The following CCDC102B variants were observed in gnomAD, a reference collection of about 807,000 sequenced individuals.
CCDC102B encodes the protein coiled-coil domain-containing protein 102B.
Under a neutral mutation model 57.4 loss-of-function variants are expected in CCDC102B, and 75 were observed. The ratio of observed to expected loss-of-function variants is 1.31; its 90% CI spans 1.08 to 1.58. The LOEUF (loss-of-function observed/expected upper bound fraction) is 1.58. CCDC102B is among the 40% of genes most tolerant of loss of function. The probability of loss-of-function intolerance (pLI) is 0.00; values close to 1 mark genes in which losing one functional copy is unlikely to be tolerated. For synonymous variants in CCDC102B, 206 were observed against 201.9 expected, an observed-to-expected ratio of 1.02 and a Z score of -0.17; for missense variants, 636 against 582.6, an observed-to-expected ratio of 1.09 and a Z score of -0.94.
intron 1 of CCDC102B, among the ~76,000 whole-genome samples, chr18:68,807,612 G>GCGTGGTGGC (rs1240509844): frequency 1.4e-4 from 22 of 151,962 alleles, no homozygotes; most frequent in African/African-American, 5.3e-4. Flanking sequence ...TCTGTTTTAG[G>GCGTGGTGGC]GACTGGAAAG....
intron 2 of CCDC102B, among the ~76,000 whole-genome samples, chr18:68,790,697 G>T (rs946626821): frequency 6.6e-6 from 1 of 152,158 alleles, no homozygotes; most frequent in Non-Finnish European, 1.5e-5. Context: ...CTCGTGCACG[G>T]TGCGCGCACC....
intron 2 of CCDC102B, among the ~76,000 whole-genome samples, chr18:68,758,236 A>G (rs1181469295): frequency 6.6e-6 from 1 of 151,630 alleles, no homozygotes; most frequent in East Asian, 1.9e-4. Flanking sequence ...ATATGTATAT[A>G]TGTGTTACAT....
chr18:69,054,259 A>G lies in CCDC102B; in HGVS notation c.*122A>G. ...AATATTAATGAAAAAAACGTAGACA[A>G]TACACAAATTAATGGGCTTCTTCAC... On this transcript the variant is annotated 3_prime_UTR_variant, in exon 8 of 8. Transcript: ENST00000360242. 7.4e-7 allele frequency: 1 copy of G among 1,349,680 alleles called. No homozygotes were observed. Among genetic ancestry groups the G allele is most frequent in the Non-Finnish European group, 9.5e-7 (1 of 1,056,584 alleles). The allele number at this position is 1,349,680 out of a possible 1,614,324, so 83.6% of individuals were successfully genotyped here.
intron 7 of CCDC102B, among the ~76,000 whole-genome samples, chr18:69,028,967 T>A (rs914174522): frequency 6.6e-5 from 10 of 152,202 alleles, no homozygotes; most frequent in Admixed American, 1.3e-4. Context: ...TTTTAATTCA[T>A]ATTAGTTTAT....
Position 68,754,504 on chromosome 18 carries a change from G to C in CCDC102B, c.-67+37910G>C, listed in dbSNP as rs570707567. 2.0e-5 allele frequency: 3 copies of C among 152,458 alleles called. No homozygotes were observed. In the South Asian group the frequency reaches 6.2e-4, roughly 32 times the overall value. The allele number at this position is 152,458 out of a possible 1,614,324, so 9.4% of individuals were successfully genotyped here. ...AGGCTGGGCATGGTGGCTCACAGCTGTAATCCTGGAGATTTGGGAGGCTGA... is the reference window on the plus strand; with the variant it reads ...AGGCTGGGCATGGTGGCTCACAGCTCTAATCCTGGAGATTTGGGAGGCTGA... On this transcript the variant is annotated intron_variant, in intron 2 of 3. Transcript: ENST00000578970.
At chr18:68,775,873 C>G (rs538248526) in intron 2 of CCDC102B, among the ~76,000 whole-genome samples, 1 of 152,166 alleles carries the variant, frequency 6.6e-6, no homozygotes, top group East Asian at 1.9e-4. Context: ...AGGATGGTCT[C>G]AATCTCCTGA....
chr18:68,753,522 G>C (rs1206098228), intron 2 of CCDC102B: 1 of 152,296 alleles, frequency 6.6e-6, no homozygotes, highest in South Asian at 2.1e-4. Context: ...GCAAAGATAA[G>C]AAACATAGCA....
In CCDC102B at chr18:68,977,039, T is replaced by G. The variant is rs2050456982; in HGVS notation, c.1264-33895T>G. On this transcript the variant is annotated intron_variant, in intron 6 of 7. Coordinates refer to ENST00000360242, the MANE Select transcript of CCDC102B (RefSeq NM_024781.3). Reference sequence around the variant, plus strand: ...TTCTTCATATATATCCTATAAATCCTGATCTAATTTATTCTTAGATATTTT... The same window carrying G: ...TTCTTCATATATATCCTATAAATCCGGATCTAATTTATTCTTAGATATTTT... Among the ~76,000 whole-genome samples the G allele has an allele frequency of 5.3e-5, 8 of 152,186 alleles. No homozygotes were observed. The South Asian group carries it at 1.4e-3, about 28-fold the overall frequency.
chr18:68,943,529 T>C (rs557653434), intron 6 of CCDC102B, among the ~76,000 whole-genome samples: 4 of 152,268 alleles, frequency 2.6e-5, no homozygotes, highest in African/African-American at 9.6e-5. Flanking sequence ...TTTTGTAGCA[T>C]CATGATGTTA....
At chr18:68,763,042 A>C (rs926423783) in intron 2 of CCDC102B, among the ~76,000 whole-genome samples, 10 of 151,980 alleles carry the variant, frequency 6.6e-5, no homozygotes, top group Non-Finnish European at 1.2e-4. Context: ...ATTATTTCTG[A>C]TATTTTAGAC....
chr18:68,873,771 TG>T (rs1467167438), intron 4 of CCDC102B, among the ~76,000 whole-genome samples: 2 of 152,094 alleles, frequency 1.3e-5, no homozygotes, highest in South Asian at 4.1e-4. Context: ...TATTTTAATT[TG>T]TTATAAGTTG....
At chr18:69,056,287 G>A (rs2052813231), downstream of CCDC102B, among the ~76,000 whole-genome samples, 1 of 152,004 alleles carries the variant, frequency 6.6e-6, no homozygotes. Context: ...TATTGTTTCA[G>A]GTGTATCTTG....
At position 69,054,870 on chromosome 18, in the gene CCDC102B, A is replaced by G. The variant is rs2145507728; in HGVS notation, c.*733A>G. 1.0e-6 allele frequency: 1 copy of G among 985,372 alleles called. No individual in the cohort carries two copies. Among genetic ancestry groups the G allele is most frequent in the Admixed American group, 6.2e-5 (1 of 16,258 alleles). The allele number at this position is 985,372 out of a possible 1,614,324, so 61.0% of individuals were successfully genotyped here. A position where few individuals can be genotyped will look rare whatever the true frequency, so the allele number is the denominator to read the frequency against. ...GTAGCATCTAGGTAGAAATCAGGCC[A>G]AAATTAAGCTGTGGTTTCCCTCTGA... On this transcript the variant is annotated 3_prime_UTR_variant, in exon 8 of 8. Transcript: ENST00000360242.
At chr18:68,733,656 A>C (rs1182613732) in intron 2 of CCDC102B, among the ~76,000 whole-genome samples, 1 of 151,976 alleles carries the variant, frequency 6.6e-6, no homozygotes. Flanking sequence ...ATCTCTATAG[A>C]TAATTAACTT....
chr18:68,771,609 C>A (rs1289853785), intron 2 of CCDC102B, among the ~76,000 whole-genome samples: 2 of 152,146 alleles, frequency 1.3e-5, no homozygotes, highest in East Asian at 3.9e-4. Flanking sequence ...GGGACCACTT[C>A]TCTGTAAGCG....
chr18:68,779,013 TA>T (rs2034917483), intron 2 of CCDC102B, among the ~76,000 whole-genome samples: 1 of 152,026 alleles, frequency 6.6e-6, no homozygotes, highest in African/African-American at 2.4e-5. Context: ...TTCTGAATAA[TA>T]ATAAGAAGGT....
At chr18:68,999,830 C>T (rs945689762) in intron 6 of CCDC102B, among the ~76,000 whole-genome samples, 1 of 152,144 alleles carries the variant, frequency 6.6e-6, no homozygotes, top group Non-Finnish European at 1.5e-5. Context: ...GAAATAGTGA[C>T]ACTTTTGTTC....
At chr18:68,804,638 C>T (rs1361187391) in intron 1 of CCDC102B, among the ~76,000 whole-genome samples, 3 of 152,056 alleles carry the variant, frequency 2.0e-5, no homozygotes, top group Admixed American at 6.6e-5. Flanking sequence ...TGGACAATCA[C>T]ATACAGGGCT....
At chr18:69,037,081 A>T (rs931841641) in intron 7 of CCDC102B, among the ~76,000 whole-genome samples, 2 of 151,904 alleles carry the variant, frequency 1.3e-5, no homozygotes, top group African/African-American at 4.8e-5. Context: ...GCACATACAC[A>T]TTACTCTTTG....
Sources: allele counts gnomAD v4.1 joint callset (sites outside exome capture counted in the v4.1 genomes callset), GRCh38; gene constraint gnomAD v4.1.1; transcripts MANE v1.5; gene names NCBI Gene and HGNC (gene_info 2026-07-23, HGNC 2026-07-21).